SVEP1: variants seen among roughly 807,000 people sequenced by gnomAD.
SVEP1 encodes the protein sushi, von Willebrand factor type A, EGF and pentraxin domain containing 1.
In SVEP1, 164 loss-of-function variants were observed where a neutral mutation model predicts 367.3. The ratio of observed to expected loss-of-function variants is 0.45; its 90% confidence interval spans 0.39 to 0.51. The LOEUF (loss-of-function observed/expected upper bound fraction) is 0.51. Ranked by LOEUF, SVEP1 falls within the 20% of genes least tolerant of loss-of-function variation. The pLI, the probability that SVEP1 is intolerant of heterozygous loss-of-function variation, is 0.00. For synonymous variants in SVEP1, 1,666 were observed against 1,611.6 expected (o/e 1.03, Z -0.81); for missense variants, 4,117 against 4,425.3 (o/e 0.93, Z 1.98).
Position 110,387,318 on chromosome 9 carries a change from C to T in SVEP1, c.10027G>A (p.Gly3343Arg), listed in dbSNP as rs1239693078. ...GPSEAHCTEN[G>R]TWSHPVPLCK... Reference sequence around the variant, plus strand: ...AGAGGGACTGGGTGGCTCCAGGTTCCATTTTCTGTGCAGTGTGCCTCAGAT... The same window carrying T: ...AGAGGGACTGGGTGGCTCCAGGTTCTATTTTCTGTGCAGTGTGCCTCAGAT... Residue 3343 changes from glycine to arginine, a missense_variant, in exon 42 of 48, where the codon GGA becomes AGA. Coordinates refer to ENST00000374469, the MANE Select transcript of SVEP1 (RefSeq NM_153366.4). 1 of 1,606,354 alleles carries T rather than the reference C, an allele frequency of 6.2e-7. No homozygotes were observed. Among genetic ancestry groups the T allele is most frequent in the Admixed American group, 1.7e-5 (1 of 57,394 alleles).
Position 110,483,703 on chromosome 9 carries a change from A to G in SVEP1, c.1931-10T>C, listed in dbSNP as rs1334037877. 1.3e-6 allele frequency: 2 copies of G among 1,566,954 alleles called. No individual in the cohort carries two copies. Among genetic ancestry groups the G allele is most frequent in the South Asian group, 1.2e-5 (1 of 83,714 alleles). ...ACAGGTGGTTCTGCATCTGAAGAAC[A>G]TGAAATCAGACAAAGAAGTCACAGC... On this transcript the variant is annotated splice_polypyrimidine_tract_variant and intron_variant, in intron 9 of 47. Coordinates refer to ENST00000374469, the MANE Select transcript of SVEP1 (RefSeq NM_153366.4).
chr9:110,490,443 C>A (rs1829350954), intron 8 of SVEP1, among the ~76,000 whole-genome samples: 1 of 152,076 alleles, frequency 6.6e-6, no homozygotes, highest in African/African-American at 2.4e-5. Flanking sequence ...TCTATCAAAA[C>A]ATGTATTCCT....
intron 40 of SVEP1, among the ~76,000 whole-genome samples, chr9:110,395,082 C>T (rs372233911): frequency 6.6e-5 from 10 of 152,104 alleles, no homozygotes; most frequent in Non-Finnish European, 1.2e-4. Context: ...GAAGGAAAAA[C>T]TGTTAAGAGC....
chr9:110,379,100 G>C (rs1827395741), intron 44 of SVEP1, among the ~76,000 whole-genome samples: 1 of 152,074 alleles, frequency 6.6e-6, no homozygotes, highest in Non-Finnish European at 1.5e-5. Context: ...AGTTTTAGAA[G>C]GATATAATAC....
chr9:110,394,891 G>A (rs1827732150), intron 40 of SVEP1, among the ~76,000 whole-genome samples: 1 of 152,204 alleles, frequency 6.6e-6, no homozygotes, highest in South Asian at 2.1e-4. Flanking sequence ...GTACCTGAAA[G>A]TGATGGGGAG....
chr9:110,422,751 A>C (rs897094499), intron 36 of SVEP1, among the ~76,000 whole-genome samples: 4 of 122,594 alleles, frequency 3.3e-5, no homozygotes, highest in African/African-American at 1.3e-4. Context: ...CTGGATTAAG[A>C]AAATGTGGCA....
chr9:110,501,476 C>T (rs894987421), intron 6 of SVEP1, among the ~76,000 whole-genome samples: 1 of 150,942 alleles, frequency 6.6e-6, no homozygotes, highest in Admixed American at 6.7e-5. Flanking sequence ...AATGAGCTCT[C>T]GTTGATTAGT....
At chr9:110,412,202 G>A (rs762863073) in intron 36 of SVEP1, among the ~76,000 whole-genome samples, 7 of 152,162 alleles carry the variant, frequency 4.6e-5, no homozygotes, top group Non-Finnish European at 1.0e-4. Flanking sequence ...CCTTTAGATG[G>A]TTTTAACTTG....
intron 7 of SVEP1, among the ~76,000 whole-genome samples, chr9:110,498,433 T>TC (rs1358875691): frequency 2.6e-5 from 4 of 152,210 alleles, no homozygotes; most frequent in African/African-American, 9.6e-5. Flanking sequence ...TTTGGTTTGA[T>TC]CAATTGGGAA....
At chr9:110,430,102 GTTTTCTT>G in intron 33 of SVEP1, 98 bp from the exon 34 acceptor site, 1 of 1,163,170 alleles carries the variant, frequency 8.6e-7, no homozygotes, top group Non-Finnish European at 1.1e-6. Context: ...TTGTTTGTTT[GTTTTCTT>G]TTTTTTTTTT....
chr9:110,474,552 C>T (rs542826014), intron 14 of SVEP1, among the ~76,000 whole-genome samples: 1 of 152,202 alleles, frequency 6.6e-6, no homozygotes, highest in East Asian at 1.9e-4. Context: ...ACAAATATCG[C>T]TCATCTCATA....
intron 14 of SVEP1, among the ~76,000 whole-genome samples, chr9:110,473,673 C>G (rs66601471): frequency 0.063 from 9,579 of 152,178 alleles, 419 homozygotes; most frequent in Non-Finnish European, 0.088. Context: ...CTTGCACATA[C>G]GGTATTTAAT....
chr9:110,471,664 T>A, intron 15 of SVEP1, 67 bp from the exon 16 acceptor site: 1 of 1,210,710 alleles, frequency 8.3e-7, no homozygotes, highest in Non-Finnish European at 1.2e-6. Context: ...TTGTAGTTAA[T>A]TTTTTACCAA....
At chr9:110,370,088 G>A (rs1827254348) in intron 46 of SVEP1, 72 bp from the exon 47 acceptor site, 17 of 1,390,308 alleles carry the variant, frequency 1.2e-5, no homozygotes, top group Non-Finnish European at 1.7e-5. Context: ...AAGGCACGTA[G>A]GATAAGATTT....
intron 7 of SVEP1, among the ~76,000 whole-genome samples, chr9:110,498,411 A>G (rs1001527044): frequency 6.6e-6 from 1 of 152,138 alleles, no homozygotes; most frequent in Non-Finnish European, 1.5e-5. Flanking sequence ...GGCATCCCTC[A>G]ACTTCCATCT....
chr9:110,528,025 A>C (rs1439315577), intron 3 of SVEP1, among the ~76,000 whole-genome samples: 1 of 150,980 alleles, frequency 6.6e-6, no homozygotes, highest in Non-Finnish European at 1.5e-5. Flanking sequence ...GTTGCTGCAA[A>C]AGACATTATT....
intron 8 of SVEP1, 115 bp from the exon 9 acceptor site, chr9:110,489,894 G>A: frequency 1.6e-6 from 2 of 1,275,168 alleles, no homozygotes; most frequent in Non-Finnish European, 2.1e-6. Flanking sequence ...AAAGAGGAAA[G>A]GAAAAAGGCA....
chr9:110,492,117 C>T (rs925565078), intron 8 of SVEP1, among the ~76,000 whole-genome samples: 7 of 152,042 alleles, frequency 4.6e-5, no homozygotes, highest in Admixed American at 3.9e-4. Flanking sequence ...AATATACCAC[C>T]TGTATATACT....
intron 27 of SVEP1, among the ~76,000 whole-genome samples, chr9:110,436,913 A>G (rs1056147837): frequency 1.3e-5 from 2 of 152,324 alleles, no homozygotes; most frequent in African/African-American, 4.8e-5. Context: ...AGAACTTTCT[A>G]AAGTTGCCAG....
Sources: allele counts gnomAD v4.1 joint callset (sites outside exome capture counted in the v4.1 genomes callset), GRCh38; gene constraint gnomAD v4.1.1; transcripts MANE v1.5; gene names NCBI Gene and HGNC (gene_info 2026-07-23, HGNC 2026-07-21).